TIAM2: variants seen among roughly 807,000 people sequenced by gnomAD.
The protein encoded by TIAM2 is TIAM Rac1 associated GEF 2.
TIAM2 carries 80 observed loss-of-function variants against 152.9 expected under a neutral mutation model. The observed-to-expected ratio is 0.52, with a 90% CI of 0.44 to 0.63. TIAM2 has a LOEUF of 0.63. Among genes scored for constraint, TIAM2 ranks in the 30% least tolerant of loss-of-function variants. The pLI, the probability that TIAM2 is intolerant of heterozygous loss-of-function variation, is 0.00. For synonymous variants in TIAM2, 804 were observed against 838.0 expected (o/e 0.96, Z 0.70); for missense variants, 1,965 against 2,120.1 (o/e 0.93, Z 1.44).
intron 1 of TIAM2, among the ~76,000 whole-genome samples, chr6:155,045,927 A>G (rs1460344472): frequency 7.8e-6 from 1 of 128,744 alleles, no homozygotes; most frequent in African/African-American, 3.0e-5. Flanking sequence ...GCCCAGCTTT[A>G]AGGGTTCTGT....
intron 1 of TIAM2, among the ~76,000 whole-genome samples, chr6:155,023,444 G>A (rs1006239257): frequency 2.0e-5 from 3 of 152,028 alleles, no homozygotes; most frequent in Non-Finnish European, 1.5e-5. Context: ...GGTCCTTTTC[G>A]GCTGCGTCTA....
Position 155,205,809 on chromosome 6 carries a change from T to C in TIAM2, c.3065-5395T>C, listed in dbSNP as rs150953706. Among the ~76,000 whole-genome samples, 348 of 152,204 alleles carry C rather than the reference T, an allele frequency of 2.3e-3. 2 individuals carry two copies. Among genetic ancestry groups the C allele is most frequent in the African/African-American group, 8.1e-3 (338 of 41,516 alleles). The stretch of plus-strand genomic sequence containing the variant: ...GAGCCTATCACAGTGAGCACCTAGA[T>C]CTATTGGTGCTTTCTGGGCAACAGG... On this transcript the variant is annotated intron_variant, in intron 14 of 26. Transcript: ENST00000682666.
At chr6:155,038,520 C>T (rs550804189) in intron 1 of TIAM2, among the ~76,000 whole-genome samples, 20 of 152,208 alleles carry the variant, frequency 1.3e-4, no homozygotes, top group African/African-American at 9.6e-5. Context: ...CCTTTGCTTT[C>T]GGTCTCTGTT....
chr6:155,205,960 A>G (rs1297421250), intron 14 of TIAM2, among the ~76,000 whole-genome samples: 6 of 152,124 alleles, frequency 3.9e-5, no homozygotes, highest in Non-Finnish European at 7.4e-5. Flanking sequence ...TAACTTCAAT[A>G]TTTCCTGATA....
At chr6:155,228,610 T>C (rs1329127040) in intron 15 of TIAM2, among the ~76,000 whole-genome samples, 1 of 152,156 alleles carries the variant, frequency 6.6e-6, no homozygotes. Context: ...CAGATTAGCC[T>C]TAAGGGTAGC....
At chr6:155,147,748 G>A (rs554746864) in intron 6 of TIAM2, among the ~76,000 whole-genome samples, 1 of 152,350 alleles carries the variant, frequency 6.6e-6, no homozygotes, top group African/African-American at 2.4e-5. Context: ...GCCTCCCAAA[G>A]TGCTGGGATT....
chr6:155,024,912 G>C (rs986677132), intron 1 of TIAM2, among the ~76,000 whole-genome samples: 6 of 152,184 alleles, frequency 3.9e-5, no homozygotes, highest in Admixed American at 3.9e-4. Context: ...ATCCAGAAGG[G>C]AGAAATCCAG....
At chr6:155,103,254 G>T (rs1404963467) in intron 2 of TIAM2, among the ~76,000 whole-genome samples, 1 of 152,110 alleles carries the variant, frequency 6.6e-6, no homozygotes, top group African/African-American at 2.4e-5. Flanking sequence ...TAAATTCATA[G>T]AACTAAAGTC....
At chr6:155,036,916 C>T (rs1370873460) in intron 1 of TIAM2, among the ~76,000 whole-genome samples, 2 of 152,120 alleles carry the variant, frequency 1.3e-5, no homozygotes, top group South Asian at 2.1e-4. Flanking sequence ...CCGCGCCTGG[C>T]CTGGAGAAAT....
At chr6:155,240,095 G>A (rs951190264) in intron 15 of TIAM2, among the ~76,000 whole-genome samples, 11 of 152,254 alleles carry the variant, frequency 7.2e-5, no homozygotes, top group Admixed American at 7.2e-4. Flanking sequence ...TCTCCGGGCT[G>A]TTCTGTGTGG....
chr6:155,169,354 T>C (rs980038227), intron 9 of TIAM2, among the ~76,000 whole-genome samples: 5 of 152,158 alleles, frequency 3.3e-5, no homozygotes, highest in Non-Finnish European at 5.9e-5. Flanking sequence ...TCCTTGAAAA[T>C]AGATTTATAA....
At chr6:154,999,650 C>A (rs1305443383) in intron 1 of TIAM2, among the ~76,000 whole-genome samples, 1 of 152,114 alleles carries the variant, frequency 6.6e-6, no homozygotes, top group East Asian at 1.9e-4. Flanking sequence ...ATAAATGTCA[C>A]CGGCCTCAGT....
intron 1 of TIAM2, among the ~76,000 whole-genome samples, chr6:155,003,024 A>T (rs1327117278): frequency 6.6e-6 from 1 of 152,030 alleles, no homozygotes; most frequent in Admixed American, 6.6e-5. Context: ...CCACTTTTAT[A>T]TCCAGCCTGG....
intron 11 of TIAM2, 27 bp from the exon 12 acceptor site, chr6:155,179,347 CCTCT>C: frequency 1.9e-6 from 3 of 1,603,684 alleles, no homozygotes; most frequent in Non-Finnish European, 2.6e-6. Flanking sequence ...AACATGAGAT[CCTCT>C]GATTTTGTTG....
chr6:155,101,233 C>T (rs1266809891), intron 2 of TIAM2, among the ~76,000 whole-genome samples: 1 of 152,184 alleles, frequency 6.6e-6, no homozygotes, highest in Non-Finnish European at 1.5e-5. Flanking sequence ...CAGGCAGATA[C>T]TTGGTGTGCC....
At chr6:155,187,573 C>CCCTTTTTTTTTTTTTT (rs1189509294) in intron 14 of TIAM2, among the ~76,000 whole-genome samples, 1 of 49,614 alleles carries the variant, frequency 2.0e-5, no homozygotes, top group African/African-American at 7.9e-5. Flanking sequence ...ACCCCGCCCC[C>CCCTTTTTTTTTTTTTT]TTTTTTTTTT....
chr6:155,076,063 G>C (rs534247090), intron 1 of TIAM2, among the ~76,000 whole-genome samples: 1 of 152,200 alleles, frequency 6.6e-6, no homozygotes, highest in African/African-American at 2.4e-5. Context: ...GACTAGAAGC[G>C]TCTGCATTTT....
At position 155,179,134 on chromosome 6, in the gene TIAM2, GCAA is replaced by G. The variant is rs1199476814; in HGVS notation, c.2625_2627del (p.Gln876del). ...GCATCCCTGCACCATATGAATATATGCAACAACAGGTAAGTGTGCACTAGCTTT... is the reference window on the plus strand; with the variant it reads ...GCATCCCTGCACCATATGAATATATGCAACAGGTAAGTGTGCACTAGCTTT... On this transcript the variant is annotated inframe_deletion, in exon 11 of 27. Transcript: ENST00000682666. The G allele has an allele frequency of 6.2e-7, 1 of 1,612,612 alleles. No homozygotes were observed. The highest frequency in any genetic ancestry group is 2.2e-5 in the East Asian group (1 of 44,872).
intron 1 of TIAM2, among the ~76,000 whole-genome samples, chr6:154,999,621 A>G (rs183763938): frequency 8.5e-5 from 13 of 152,336 alleles, no homozygotes; most frequent in African/African-American, 3.1e-4. Context: ...TCTGAAAACT[A>G]GCTTTGCTTC....
Sources: gnomAD v4.1 joint callset for allele counts (sites outside exome capture counted in the v4.1 genomes callset) on GRCh38, gnomAD v4.1.1 for gene constraint, MANE v1.5 for transcripts, NCBI Gene and HGNC (gene_info 2026-07-23, HGNC 2026-07-21) for gene names.